NELL1: variants seen among roughly 807,000 people sequenced by gnomAD.
NELL1 encodes the protein neural EGFL like 1.
NELL1 carries 76 observed loss-of-function variants against 107.4 expected under a neutral mutation model. The observed-to-expected ratio is 0.71, with a 90% CI of 0.59 to 0.86. The LOEUF (loss-of-function observed/expected upper bound fraction) is 0.86. Ranked by LOEUF, NELL1 falls within the 40% of genes least tolerant of loss-of-function variation. The probability of loss-of-function intolerance (pLI) is 0.00; values close to 1 mark genes in which losing one functional copy is unlikely to be tolerated. For missense variants in NELL1, 1,024 were observed against 1,005.5 expected, an observed-to-expected ratio of 1.02 and a Z score of -0.25; for synonymous variants, 353 against 341.2, an observed-to-expected ratio of 1.03 and a Z score of -0.38.
intron 2 of NELL1, among the ~76,000 whole-genome samples, chr11:20,752,136 C>T (rs1856154079): frequency 6.8e-6 from 1 of 146,158 alleles, no homozygotes; most frequent in African/African-American, 2.5e-5. Flanking sequence ...ATTTTTATTC[C>T]AATTTTAGTT....
intron 12 of NELL1, among the ~76,000 whole-genome samples, chr11:21,051,762 C>A (rs1427041201): frequency 2.0e-5 from 3 of 151,914 alleles, no homozygotes; most frequent in African/African-American, 7.3e-5. Flanking sequence ...CTTCTCCTGG[C>A]ACATTCTTTC....
intron 3 of NELL1, among the ~76,000 whole-genome samples, chr11:20,832,385 A>G (rs954266445): frequency 6.6e-6 from 1 of 152,148 alleles, no homozygotes; most frequent in African/African-American, 2.4e-5. Context: ...TCAATTTTAC[A>G]TTTATTAGTG....
chr11:20,947,236 T>C, intron 10 of NELL1, 100 bp from the exon 11 acceptor site: 1 of 742,342 alleles, frequency 1.3e-6, no homozygotes, highest in Non-Finnish European at 2.4e-6. Context: ...AATTATTGTA[T>C]GTTGTTATCA....
intron 14 of NELL1, among the ~76,000 whole-genome samples, chr11:21,361,582 C>T (rs967376138): frequency 6.6e-6 from 1 of 152,066 alleles, no homozygotes; most frequent in Non-Finnish European, 1.5e-5. Flanking sequence ...AATAAGTTTT[C>T]CAAACTTTCA....
At chr11:21,157,219 G>A (rs1047179958) in intron 13 of NELL1, among the ~76,000 whole-genome samples, 1 of 151,210 alleles carries the variant, frequency 6.6e-6, no homozygotes, top group East Asian at 1.9e-4. Context: ...TTAAAGAAAT[G>A]AAACATCCCC....
rs1010768374 is a variant in NELL1 at position 20,941,063 on chromosome 11, C to T, written c.1071+3204C>T. Among the ~76,000 whole-genome samples, 15 of 152,128 alleles carry T rather than the reference C, an allele frequency of 9.9e-5. 1 individual carries two copies. The East Asian group carries it at 1.7e-3, about 18-fold the overall frequency. On this transcript the variant is annotated intron_variant, in intron 10 of 19. Transcript: ENST00000357134. ...CAGAGGCAGGAGAATTGCTTGAACC[C>T]GGGAGGCGGAGGTTGCAGTGAGCTG...
At chr11:21,422,923 C>G (rs1187682153) in intron 15 of NELL1, among the ~76,000 whole-genome samples, 1 of 151,952 alleles carries the variant, frequency 6.6e-6, no homozygotes, top group South Asian at 2.1e-4. Context: ...AAAACATGAT[C>G]CAGCTATGCA....
intron 3 of NELL1, among the ~76,000 whole-genome samples, chr11:20,808,929 A>T (rs1430728576): frequency 2.0e-5 from 3 of 152,190 alleles, no homozygotes; most frequent in African/African-American, 7.2e-5. Context: ...TGCCTCTTTC[A>T]GTGATATGAA....
intron 14 of NELL1, among the ~76,000 whole-genome samples, chr11:21,329,049 A>G (rs1186365591): frequency 6.6e-6 from 1 of 152,152 alleles, no homozygotes; most frequent in East Asian, 1.9e-4. Context: ...TTGGAGAACT[A>G]TTGGGAAAGG....
At chr11:21,455,943 C>T (rs1853718792) in intron 15 of NELL1, among the ~76,000 whole-genome samples, 1 of 146,438 alleles carries the variant, frequency 6.8e-6, no homozygotes, top group African/African-American at 2.6e-5. Context: ...TGCTGGAGTG[C>T]AGTGGCATGA....
chr11:21,145,107 T>C (rs1855949037), intron 13 of NELL1, among the ~76,000 whole-genome samples: 2 of 152,208 alleles, frequency 1.3e-5, no homozygotes, highest in South Asian at 4.1e-4. Context: ...CAGTGCTATA[T>C]AGCTATATGT....
At chr11:21,014,751 A>G (rs1203339579) in intron 12 of NELL1, among the ~76,000 whole-genome samples, 1 of 152,098 alleles carries the variant, frequency 6.6e-6, no homozygotes, top group Admixed American at 6.6e-5. Flanking sequence ...AGAATATTGG[A>G]TGGGGAATGT....
chr11:20,925,551 G>T (rs1850478235), intron 7 of NELL1, among the ~76,000 whole-genome samples: 1 of 151,362 alleles, frequency 6.6e-6, no homozygotes, highest in Admixed American at 6.6e-5. Flanking sequence ...CTCCCAAAGT[G>T]CTGGGATTAT....
chr11:21,016,069 G>A (rs1372743542), intron 12 of NELL1, among the ~76,000 whole-genome samples: 1 of 152,044 alleles, frequency 6.6e-6, no homozygotes, highest in Non-Finnish European at 1.5e-5. Context: ...CTGCCATTGT[G>A]GTGCTTATCG....
chr11:20,963,024 T>C (rs983443074), intron 12 of NELL1, among the ~76,000 whole-genome samples: 2 of 152,082 alleles, frequency 1.3e-5, no homozygotes, highest in Non-Finnish European at 2.9e-5. Flanking sequence ...ATGCCAACAT[T>C]TAGAGCAGAT....
chr11:21,106,553 C>T (rs1854974140), intron 12 of NELL1, among the ~76,000 whole-genome samples: 1 of 151,906 alleles, frequency 6.6e-6, no homozygotes, highest in Non-Finnish European at 1.5e-5. Flanking sequence ...GGCCTTGCAT[C>T]GTGTTTTTTC....
At chr11:20,732,053 G>A (rs1855658161) in intron 2 of NELL1, among the ~76,000 whole-genome samples, 1 of 152,074 alleles carries the variant, frequency 6.6e-6, no homozygotes, top group African/African-American at 2.4e-5. Flanking sequence ...ATCCTTTCTA[G>A]GACTTGCCTA....
intron 12 of NELL1, among the ~76,000 whole-genome samples, chr11:20,972,694 G>A (rs1288455683): frequency 6.6e-6 from 1 of 152,148 alleles, no homozygotes. Context: ...GAATTGGGAG[G>A]CATTGTAGGC....
chr11:20,679,961 A>G (rs1672620416), intron 2 of NELL1, among the ~76,000 whole-genome samples: 1 of 152,056 alleles, frequency 6.6e-6, no homozygotes, highest in African/African-American at 2.4e-5. Flanking sequence ...CTACTTTCTA[A>G]TCTGTGCATT....
Sources: allele counts gnomAD v4.1 joint callset (sites outside exome capture counted in the v4.1 genomes callset), GRCh38; gene constraint gnomAD v4.1.1; transcripts MANE v1.5; gene names NCBI Gene and HGNC (gene_info 2026-07-23, HGNC 2026-07-21).